Variants in GTPBP10 observed in about 807,000 individuals in gnomAD.
The protein encoded by GTPBP10 is GTP-binding protein 10.
A neutral mutation model predicts 44.8 loss-of-function variants in GTPBP10; 38 were observed. That is an observed-to-expected ratio of 0.85 (90% CI 0.65 to 1.11). The LOEUF (loss-of-function observed/expected upper bound fraction) is 1.11. GTPBP10 is among the 50% of genes most tolerant of loss of function. The pLI is 0.00. For missense variants in GTPBP10, 462 were observed against 453.7 expected, an observed-to-expected ratio of 1.02 and a Z score of -0.17; for synonymous variants, 152 against 150.6, an observed-to-expected ratio of 1.01 and a Z score of -0.07.
intron 6 of GTPBP10, 74 bp downstream of exon 6, chr7:90,374,428 A>G (rs1796309737): frequency 1.1e-6 from 1 of 949,168 alleles, no homozygotes; most frequent in East Asian, 2.4e-5. Flanking sequence ...TGGATATTAT[A>G]GTTTTTGCCT....
rs1166624646 is a variant in GTPBP10, at chr7:90,390,328, G to T, written c.*5174G>T. 1 of 152,176 alleles carries T rather than the reference G, an allele frequency of 6.6e-6. No homozygotes were observed. The highest frequency in any genetic ancestry group is 1.5e-5 in the Non-Finnish European group (1 of 68,028). 9.4% of individuals were successfully genotyped at this position (152,176 alleles called of 1,614,324 possible). A position where few individuals can be genotyped will look rare whatever the true frequency, so the allele number is the denominator to read the frequency against. The stretch of plus-strand genomic sequence containing the variant: ...TTATTGCCTCACTTGGCTTTTGTAA[G>T]CATGAAAAAGCCAGGGACAATTTCA... On this transcript the variant is annotated 3_prime_UTR_variant, in exon 10 of 10. Transcript: ENST00000222511.
chr7:90,378,570 C>CT (rs1796384133), intron 8 of GTPBP10, among the ~76,000 whole-genome samples: 1 of 152,172 alleles, frequency 6.6e-6, no homozygotes. Context: ...TTTTTAGGCT[C>CT]TTTTTTCTCA....
At chr7:90,372,686 T>G (rs1197288775) in intron 5 of GTPBP10, among the ~76,000 whole-genome samples, 1 of 152,072 alleles carries the variant, frequency 6.6e-6, no homozygotes. Context: ...GACACTTACT[T>G]TATTGCATTT....
chr7:90,363,755 A>C (rs951858202), intron 4 of GTPBP10, among the ~76,000 whole-genome samples: 1 of 152,146 alleles, frequency 6.6e-6, no homozygotes, highest in African/African-American at 2.4e-5. Context: ...CATTCTCCCC[A>C]TCACTTTCAG....
At chr7:90,361,809 C>G (rs1461880529) in intron 4 of GTPBP10, among the ~76,000 whole-genome samples, 1 of 152,046 alleles carries the variant, frequency 6.6e-6, no homozygotes, top group East Asian at 1.9e-4. Flanking sequence ...AATTTCAGAG[C>G]CTGTTATTGG....
In GTPBP10 at chr7:90,352,944, T is replaced by G; in HGVS notation, c.162T>G (p.Thr54=). 6.2e-7 allele frequency: 1 copy of G among 1,613,698 alleles called. No individual in the cohort carries two copies. Among genetic ancestry groups the G allele is most frequent in the African/African-American group, 1.3e-5 (1 of 75,038 alleles). The change falls in exon 2 of 10, where the codon ACT becomes ACG. Residue 54 remains threonine, a synonymous_variant. Coordinates refer to ENST00000222511, the MANE Select transcript of GTPBP10 (RefSeq NM_033107.4). The part of the protein sequence containing the change: ...DVWVVAQNRM[T]LKQLKDRYPR... ...GGGTTGTAGCCCAGAACAGAATGAC[T>G]TTAAAACAACTTAAAGACAGGTATC... is the stretch of plus-strand genomic sequence containing the variant.
At chr7:90,367,820 A>AT (rs1383734097) in intron 4 of GTPBP10, among the ~76,000 whole-genome samples, 1 of 152,196 alleles carries the variant, frequency 6.6e-6, no homozygotes, top group East Asian at 1.9e-4. Context: ...TGATCCTGCC[A>AT]TTATGACGTT....
In GTPBP10 at chr7:90,360,765, C is replaced by G. The variant is rs140525572; in HGVS notation, c.464+5535C>G. Among the ~76,000 whole-genome samples the G allele has an allele frequency of 4.1e-3, 631 of 152,260 alleles. 4 individuals carry two copies. Among genetic ancestry groups the G allele is most frequent in the African/African-American group, 0.014 (600 of 41,532 alleles). ...TTTTCATGATACTGATTCTTCCTATCGATGAGCATGGAATGTTCTTCCATT... is the reference window on the plus strand; with the variant it reads ...TTTTCATGATACTGATTCTTCCTATGGATGAGCATGGAATGTTCTTCCATT... On this transcript the variant is annotated intron_variant, in intron 4 of 9. Coordinates refer to ENST00000222511, the MANE Select transcript of GTPBP10 (RefSeq NM_033107.4).
intron 1 of GTPBP10, among the ~76,000 whole-genome samples, chr7:90,347,256 T>G (rs917793769): frequency 1.3e-5 from 2 of 152,342 alleles, no homozygotes; most frequent in African/African-American, 4.8e-5. Flanking sequence ...CCGTAAAAAT[T>G]TACAACTGCT....
At chr7:90,377,418 T>A (rs1796359238) in intron 6 of GTPBP10, 89 bp from the exon 7 acceptor site, 1 of 789,762 alleles carries the variant, frequency 1.3e-6, no homozygotes. Context: ...ACTGTTTATA[T>A]TTGAAATATC....
intron 6 of GTPBP10, 98 bp from the exon 7 acceptor site, chr7:90,377,409 C>A: frequency 1.4e-6 from 1 of 690,960 alleles, no homozygotes; most frequent in Non-Finnish European, 2.5e-6. Flanking sequence ...AAGTTAGGAA[C>A]TGTTTATATT....
At chr7:90,373,649 G>C (rs779958515) in intron 5 of GTPBP10, among the ~76,000 whole-genome samples, 1 of 151,892 alleles carries the variant, frequency 6.6e-6, no homozygotes. Flanking sequence ...CAATGAGAAG[G>C]AACTAGAGGA....
At chr7:90,373,427 C>G (rs1671123464) in intron 5 of GTPBP10, among the ~76,000 whole-genome samples, 1 of 152,216 alleles carries the variant, frequency 6.6e-6, no homozygotes, top group Middle Eastern at 3.4e-3. Flanking sequence ...GATAAGATCT[C>G]TGCCATCATT....
intron 8 of GTPBP10, among the ~76,000 whole-genome samples, chr7:90,382,406 C>G (rs17863082): frequency 0.042 from 6,414 of 152,208 alleles, 215 homozygotes; most frequent in African/African-American, 0.091. Flanking sequence ...GCATGAGCCA[C>G]CATGCCCAGT....
intron 1 of GTPBP10, among the ~76,000 whole-genome samples, chr7:90,349,894 T>G (rs1176521961): frequency 2.0e-5 from 3 of 152,182 alleles, no homozygotes; most frequent in African/African-American, 7.2e-5. Context: ...TTGATATTTC[T>G]AAAGCCAAAG....
chr7:90,369,603 G>A (rs975850336), intron 4 of GTPBP10, among the ~76,000 whole-genome samples: 6 of 152,188 alleles, frequency 3.9e-5, no homozygotes, highest in Non-Finnish European at 8.8e-5. Flanking sequence ...GCAAGGCTCC[G>A]TTGGCTTGGG....
At position 90,385,342 on chromosome 7, in the gene GTPBP10, A is replaced by G. The variant is rs372736306; in HGVS notation, c.*188A>G. On this transcript the variant is annotated 3_prime_UTR_variant, in exon 10 of 10. Coordinates refer to ENST00000222511, the MANE Select transcript of GTPBP10 (RefSeq NM_033107.4). ...GGAGAGAATAGAATGGTGGTTATCA[A>G]GGGCTGGTGGGGCAGTGGAGGATTG... The G allele has an allele frequency of 1.1e-5, 5 of 468,716 alleles. No homozygotes were observed. The highest frequency in any genetic ancestry group is 8.0e-5 in the African/African-American group (4 of 49,998). The allele number at this position is 468,716 out of a possible 1,614,324, so 29.0% of individuals were successfully genotyped here.
intron 8 of GTPBP10, 185 bp downstream of exon 8, chr7:90,378,396 G>A (rs903223308): frequency 3.1e-5 from 11 of 357,004 alleles, no homozygotes; most frequent in Non-Finnish European, 4.3e-5. Flanking sequence ...CTACTGCAGT[G>A]GATAAAACAC....
At chr7:90,359,023 C>T (rs1795959795) in intron 4 of GTPBP10, among the ~76,000 whole-genome samples, 2 of 151,998 alleles carry the variant, frequency 1.3e-5, no homozygotes, top group Admixed American at 1.3e-4. Context: ...CAGGGAAATG[C>T]ATATTAAAAC....
Sources: gnomAD v4.1 joint callset for allele counts (sites outside exome capture counted in the v4.1 genomes callset) on GRCh38, gnomAD v4.1.1 for gene constraint, MANE v1.5 for transcripts, NCBI Gene and HGNC (gene_info 2026-07-23, HGNC 2026-07-21) for gene names.